MTREX: variants seen among roughly 807,000 people sequenced by gnomAD.
The protein encoded by MTREX is Mtr4 exosome RNA helicase.
A neutral mutation model predicts 135.4 loss-of-function variants in MTREX; 76 were observed. That is an observed-to-expected ratio of 0.56 (90% CI 0.47 to 0.68). MTREX has a LOEUF of 0.68. Among genes scored for constraint, MTREX ranks in the 30% least tolerant of loss-of-function variants. MTREX has a pLI of 0.00. For synonymous variants in MTREX, 404 were observed against 401.6 expected (o/e 1.01, Z -0.07); for missense variants, 920 against 1,262.1 (o/e 0.73, Z 4.11).
chr5:55,330,661 A>C (rs938534787), intron 5 of MTREX, among the ~76,000 whole-genome samples: 6 of 143,524 alleles, frequency 4.2e-5, no homozygotes, highest in African/African-American at 1.6e-4. Context: ...TGACTGAGAT[A>C]GTTTTTTTTT....
At chr5:55,326,605 T>C (rs995258369) in intron 3 of MTREX, among the ~76,000 whole-genome samples, 1 of 152,146 alleles carries the variant, frequency 6.6e-6, no homozygotes, top group African/African-American at 2.4e-5. Context: ...CAAGGCTATT[T>C]GTACGTGTCA....
chr5:55,423,279 T>C (rs771522915), intron 26 of MTREX: 11 of 311,636 alleles, frequency 3.5e-5, no homozygotes, highest in Non-Finnish European at 5.2e-5. Flanking sequence ...TACATTCTAG[T>C]GTGGGGAGAT....
intron 11 of MTREX, among the ~76,000 whole-genome samples, chr5:55,349,261 A>G (rs1161420424): frequency 6.9e-6 from 1 of 145,148 alleles, no homozygotes; most frequent in African/African-American, 2.6e-5. Context: ...ATCATGGCTC[A>G]CTGCAGCCTC....
chr5:55,394,019 G>A (rs1045697532), intron 19 of MTREX, among the ~76,000 whole-genome samples: 6 of 152,112 alleles, frequency 3.9e-5, no homozygotes, highest in Non-Finnish European at 7.4e-5. Flanking sequence ...TTCTTGGATG[G>A]AGTTTATTAT....
intron 1 of MTREX, among the ~76,000 whole-genome samples, chr5:55,319,104 G>A (rs1019007624): frequency 6.6e-6 from 1 of 152,072 alleles, no homozygotes; most frequent in Admixed American, 6.6e-5. Flanking sequence ...ACTGTTTAGA[G>A]TAAGTTGCAG....
At chr5:55,357,172 T>A (rs1157813136) in intron 14 of MTREX, 1 of 153,832 alleles carries the variant, frequency 6.5e-6, no homozygotes, top group Non-Finnish European at 1.5e-5. Flanking sequence ...CCCCTCCTGG[T>A]ACTTGATCTC....
chr5:55,377,167 A>C (rs1309875841), intron 16 of MTREX, among the ~76,000 whole-genome samples: 1 of 152,080 alleles, frequency 6.6e-6, no homozygotes, highest in Non-Finnish European at 1.5e-5. Context: ...TCCCTACTAA[A>C]AATACAAAAA....
chr5:55,409,069 A>G (rs1344740498), intron 22 of MTREX, among the ~76,000 whole-genome samples: 1 of 152,058 alleles, frequency 6.6e-6, no homozygotes, highest in Non-Finnish European at 1.5e-5. Context: ...CTCCCACCTC[A>G]GCCTCCTGAG....
chr5:55,319,535 A>G (rs1749253219), intron 1 of MTREX, among the ~76,000 whole-genome samples: 1 of 152,198 alleles, frequency 6.6e-6, no homozygotes, highest in African/African-American at 2.4e-5. Flanking sequence ...GTTTGGGCTT[A>G]ATGGCCAATT....
intron 19 of MTREX, among the ~76,000 whole-genome samples, chr5:55,390,361 A>G (rs1263871996): frequency 6.6e-6 from 1 of 152,156 alleles, no homozygotes; most frequent in Non-Finnish European, 1.5e-5. Flanking sequence ...TCAGCCTCCC[A>G]AAGTGCTGGG....
At chr5:55,312,748 C>T (rs369831213) in intron 1 of MTREX, among the ~76,000 whole-genome samples, 25 of 152,232 alleles carry the variant, frequency 1.6e-4, no homozygotes, top group Admixed American at 4.6e-4. Flanking sequence ...GTTTCTGTTA[C>T]GTTTTCTGAA....
At chr5:55,369,915 C>CTTTTTTTTTTTTTTTTTTTT (rs60011222) in intron 16 of MTREX, among the ~76,000 whole-genome samples, 1 of 141,426 alleles carries the variant, frequency 7.1e-6, no homozygotes, top group Non-Finnish European at 1.5e-5. Flanking sequence ...TTTCTTTTTT[C>CTTTTTTTTTTTTTTTTTTTT]TTTTTTTTTT....
At chr5:55,399,490 A>T (rs1483134128) in intron 20 of MTREX, among the ~76,000 whole-genome samples, 1 of 151,760 alleles carries the variant, frequency 6.6e-6, no homozygotes, top group Non-Finnish European at 1.5e-5. Context: ...TTTATTTTTT[A>T]TTTTTTTATT....
At chr5:55,317,056 A>T (rs1188764904) in intron 1 of MTREX, among the ~76,000 whole-genome samples, 1 of 152,138 alleles carries the variant, frequency 6.6e-6, no homozygotes, top group African/African-American at 2.4e-5. Flanking sequence ...TCCCACACAC[A>T]CACACCCTAG....
intron 12 of MTREX, 97 bp from the exon 13 acceptor site, chr5:55,350,822 G>A: frequency 1.0e-6 from 1 of 975,970 alleles, no homozygotes; most frequent in Non-Finnish European, 1.5e-6. Context: ...TTTCTTTAAA[G>A]AGAAAGCATT....
chr5:55,327,160 G>A (rs1296158225), intron 3 of MTREX, among the ~76,000 whole-genome samples: 5 of 152,170 alleles, frequency 3.3e-5, no homozygotes, highest in African/African-American at 9.7e-5. Context: ...ATGAATATAC[G>A]TATGCATGTG....
At chr5:55,344,187 G>T (rs950269377) in intron 8 of MTREX, among the ~76,000 whole-genome samples, 2 of 152,018 alleles carry the variant, frequency 1.3e-5, no homozygotes, top group Non-Finnish European at 2.9e-5. Context: ...TTACTTCATG[G>T]ATCCTTTGTA....
At chr5:55,422,128 T>G (rs1561215323) in intron 25 of MTREX, among the ~76,000 whole-genome samples, 2 of 152,210 alleles carry the variant, frequency 1.3e-5, no homozygotes, top group South Asian at 4.1e-4. Flanking sequence ...AAAAATGAAG[T>G]CAAGCGTTTT....
chr5:55,314,145 G>A (rs1448076686), intron 1 of MTREX, among the ~76,000 whole-genome samples: 1 of 152,072 alleles, frequency 6.6e-6, no homozygotes. Flanking sequence ...TTTATCTTTG[G>A]AATAGATTCC....
Sources: gnomAD v4.1 joint callset for allele counts (sites outside exome capture counted in the v4.1 genomes callset) on GRCh38, gnomAD v4.1.1 for gene constraint, MANE v1.5 for transcripts, NCBI Gene and HGNC (gene_info 2026-07-23, HGNC 2026-07-21) for gene names.